The following BEND3 variants were observed in gnomAD, a reference collection of about 807,000 sequenced individuals.
The protein encoded by BEND3 is BEN domain-containing protein 3.
A neutral mutation model predicts 60.1 loss-of-function variants in BEND3; 13 were observed. The observed-to-expected ratio is 0.22, with a 90% CI of 0.14 to 0.34. The LOEUF (loss-of-function observed/expected upper bound fraction) is 0.34, where lower values mean the gene tolerates loss of function less well. Among genes scored for constraint, BEND3 ranks in the 10% least tolerant of loss-of-function variants. The probability of loss-of-function intolerance (pLI) is 1.00; values close to 1 mark genes in which losing one functional copy is unlikely to be tolerated. For missense variants in BEND3, 896 were observed against 1,138.1 expected, an observed-to-expected ratio of 0.79 and a Z score of 3.06; for synonymous variants, 497 against 491.5, an observed-to-expected ratio of 1.01 and a Z score of -0.15.
intron 3 of BEND3, among the ~76,000 whole-genome samples, chr6:107,083,831 G>A (rs553012217): frequency 3.9e-5 from 6 of 152,332 alleles, no homozygotes; most frequent in Admixed American, 1.3e-4. Flanking sequence ...GCTCACGCCT[G>A]TAATCCCAAC....
In BEND3 at chr6:107,069,886, G is replaced by A. The variant is rs138792120; in HGVS notation, c.1305C>T (p.Tyr435=). Residue 435 remains tyrosine, a synonymous_variant, in exon 4 of 4, where the codon TAC becomes TAT. Transcript: ENST00000369042. ...HRKLGEQYSC[Y]GDGGKQELDP... is the part of the protein sequence containing the mutation. ...CCAGCTCCTGCTTTCCACCGTCCCC[G>A]TAGCAGCTGTACTGTTCACCCAGCT... 1.1e-5 allele frequency: 18 copies of A among 1,613,746 alleles called. No homozygotes were observed. The highest frequency in any genetic ancestry group is 2.2e-5 in the South Asian group (2 of 91,086).
chr6:107,086,157 C>G (rs1775342443), intron 3 of BEND3, among the ~76,000 whole-genome samples: 1 of 152,148 alleles, frequency 6.6e-6, no homozygotes. Flanking sequence ...GGGGTTTTAT[C>G]AGAGCCTAAC....
chr6:107,073,123 T>A (rs1003447050), intron 3 of BEND3, among the ~76,000 whole-genome samples: 8 of 149,138 alleles, frequency 5.4e-5, no homozygotes, highest in Non-Finnish European at 7.4e-5. Flanking sequence ...ACTCCCTTAG[T>A]GACCTTATAA....
At chr6:107,080,354 CA>C (rs11402351) in intron 3 of BEND3, among the ~76,000 whole-genome samples, 4,660 of 83,290 alleles carry the variant, frequency 0.056, 29 homozygotes, top group East Asian at 0.12. Flanking sequence ...GATCCCATCT[CA>C]AAAAAAAAAA....
At chr6:107,114,985 G>A (rs1249084862) in intron 1 of BEND3, 105 bp downstream of exon 1, 2 of 139,654 alleles carry the variant, frequency 1.4e-5, no homozygotes, top group East Asian at 2.3e-4. Flanking sequence ...CCCTGCTCCC[G>A]CCCCCACCCC....
chr6:107,081,883 G>C lies in BEND3; in HGVS notation c.241-10933C>G, dbSNP rs376211405. Among the ~76,000 whole-genome samples, 95 of 152,232 alleles carry C rather than the reference G, an allele frequency of 6.2e-4. 1 individual carries two copies. Among genetic ancestry groups the C allele is most frequent in the African/African-American group, 2.0e-3 (81 of 41,532 alleles). On this transcript the variant is annotated intron_variant, in intron 3 of 3. Coordinates refer to ENST00000369042, the MANE Select transcript of BEND3 (RefSeq NM_001367314.1). ...GATCCTGTTACAATAAAAATGTGTT[G>C]AGTGAAAGGGTGAAGTGTGACATCA...
At chr6:107,100,385 T>A (rs868935208) in intron 1 of BEND3, among the ~76,000 whole-genome samples, 49 of 152,246 alleles carry the variant, frequency 3.2e-4, no homozygotes, top group Admixed American at 5.9e-4. Flanking sequence ...CTCCTGCCTC[T>A]GCCTCCCGAG....
At chr6:107,089,745 C>A (rs1775435810) in intron 3 of BEND3, among the ~76,000 whole-genome samples, 1 of 151,206 alleles carries the variant, frequency 6.6e-6, no homozygotes, top group Admixed American at 6.6e-5. Flanking sequence ...GAGGCACGCA[C>A]AATTGTGCAC....
chr6:107,074,781 T>C lies in BEND3; in HGVS notation c.241-3831A>G, dbSNP rs541599378. Reference sequence around the variant, plus strand: ...TGCAGTGTTTCAAATTGTGGGATAGTAGATGATAACTGATTTTGGTGGATC... The same window carrying C: ...TGCAGTGTTTCAAATTGTGGGATAGCAGATGATAACTGATTTTGGTGGATC... On this transcript the variant is annotated intron_variant, in intron 3 of 3. Coordinates refer to ENST00000369042, the MANE Select transcript of BEND3 (RefSeq NM_001367314.1). 9.9e-5 allele frequency among the ~76,000 whole-genome samples: 15 copies of C among 152,196 alleles called. No individual in the cohort carries two copies. In the South Asian group the frequency reaches 3.1e-3, roughly 32 times the overall value.
chr6:107,077,324 T>G (rs1775120775), intron 3 of BEND3, among the ~76,000 whole-genome samples: 1 of 152,126 alleles, frequency 6.6e-6, no homozygotes, highest in South Asian at 2.1e-4. Flanking sequence ...AAGTTGCCTA[T>G]GTTCACAGGC....
chr6:107,094,033 T>C (rs1408679153), intron 3 of BEND3, among the ~76,000 whole-genome samples: 1 of 152,170 alleles, frequency 6.6e-6, no homozygotes. Flanking sequence ...AATCAAAATA[T>C]ATGAAGAACT....
rs1407761023 is a variant in BEND3 at position 107,068,277 on chromosome 6, TG to T, written c.*426del. On this transcript the variant is annotated 3_prime_UTR_variant, in exon 4 of 4. Transcript: ENST00000369042. The surrounding 1 kb of genome is among the most constrained non-coding windows in gnomAD (Gnocchi z 5.8). ...GTAAAATGGCCCCCAAAGAGCCCAA[TG>T]ATTTTTTTTAAGGGTTTCTTTTTAA... 22 of 156,790 alleles carry T rather than the reference TG, an allele frequency of 1.4e-4. No individual in the cohort carries two copies. Among genetic ancestry groups the T allele is most frequent in the Non-Finnish European group, 2.4e-4 (17 of 71,514 alleles). The allele number at this position is 156,790 out of a possible 1,614,324, so 9.7% of individuals were successfully genotyped here. A position where few individuals can be genotyped will look rare whatever the true frequency, so the allele number is the denominator to read the frequency against.
In BEND3 at chr6:107,068,922, G is replaced by A; in HGVS notation, c.2269C>T (p.Leu757Phe). The A allele has an allele frequency of 3.1e-6, 5 of 1,614,028 alleles. No individual in the cohort carries two copies. The highest frequency in any genetic ancestry group is 4.2e-6 in the Non-Finnish European group (5 of 1,180,044). The change falls in exon 4 of 4, where the codon CTC (leucine) becomes TTC (phenylalanine). Residue 757 changes from leucine (L) to phenylalanine (F), a missense_variant. This residue lies in a region of BEND3 where 846 missense variants were observed against 1,036.7 expected (regional missense o/e 0.82). Transcript: ENST00000369042. This position sits in a 1 kb window ranked among gnomAD's most constrained non-coding sequence, Gnocchi z 5.8. ...CCGGAATGGTTGTACTGCAGCCGGA[G>A]GTTCTCGGCGGTGAAGAGTTCGGGA... Reference protein sequence around the residue: ...LFPELFTAENLRLQYNHSGAC... With the variant: ...LFPELFTAENFRLQYNHSGAC...
chr6:107,087,986 C>T (rs1467256324), intron 3 of BEND3, among the ~76,000 whole-genome samples: 2 of 138,656 alleles, frequency 1.4e-5, no homozygotes, highest in East Asian at 2.1e-4. Context: ...AAAAAAAACA[C>T]TGTAATAGAA....
At chr6:107,107,001 A>G (rs1424920061) in intron 1 of BEND3, among the ~76,000 whole-genome samples, 4 of 150,080 alleles carry the variant, frequency 2.7e-5, no homozygotes, top group Non-Finnish European at 5.9e-5. Flanking sequence ...CAGTGGCACA[A>G]TTTCGGCTCA....
chr6:107,072,722 C>T (rs924135336), intron 3 of BEND3, among the ~76,000 whole-genome samples: 2 of 152,132 alleles, frequency 1.3e-5, no homozygotes, highest in East Asian at 1.9e-4. Context: ...TGGTGGCTCA[C>T]GCCTGTAATC....
chr6:107,080,539 G>A (rs1775211007), intron 3 of BEND3, among the ~76,000 whole-genome samples: 1 of 151,884 alleles, frequency 6.6e-6, no homozygotes, highest in East Asian at 1.9e-4. Flanking sequence ...GTACTTTTTT[G>A]AAAAATTAAC....
intron 3 of BEND3, among the ~76,000 whole-genome samples, chr6:107,082,683 C>G (rs564415725): frequency 3.3e-5 from 5 of 152,198 alleles, no homozygotes; most frequent in African/African-American, 1.2e-4. Context: ...CTTGCCTCAG[C>G]CTCCCAAAGT....
In BEND3 at chr6:107,106,936, C is replaced by CTT. The variant is rs35443143; in HGVS notation, c.-11-7642_-11-7641dup. ...AACCCAGCCCAGTTTTCAAAGAGGGCTTTTTTTTTTTTTTTTTTGAGACGG... is the reference window on the plus strand; with the variant it reads ...AACCCAGCCCAGTTTTCAAAGAGGGCTTTTTTTTTTTTTTTTTTTTGAGACGG... On this transcript the variant is annotated intron_variant, in intron 1 of 3. Coordinates refer to ENST00000369042, the MANE Select transcript of BEND3 (RefSeq NM_001367314.1). Among the ~76,000 whole-genome samples, 770 of 128,506 alleles carry CTT rather than the reference C, an allele frequency of 6.0e-3. 13 individuals are homozygous for CTT. The highest frequency in any genetic ancestry group is 0.021 in the African/African-American group (714 of 33,866). 84.3% of individuals were successfully genotyped at this position (128,506 alleles called of 152,430 possible).
Sources: gnomAD v4.1 joint callset for allele counts (sites outside exome capture counted in the v4.1 genomes callset) on GRCh38, gnomAD v4.1.1 for gene constraint, gnomAD v4.1.1 regional missense constraint, Gnocchi (gnomAD v3.1) non-coding constraint, MANE v1.5 for transcripts, NCBI Gene and HGNC (gene_info 2026-07-23, HGNC 2026-07-21) for gene names.